Variants in KCNG2 observed in about 807,000 individuals in gnomAD.
KCNG2 encodes voltage-gated potassium channel regulatory subunit KCNG2.
A neutral mutation model predicts 12.3 loss-of-function variants in KCNG2; 7 were observed. The observed-to-expected ratio is 0.57, with a 90% CI of 0.32 to 1.07. The LOEUF (loss-of-function observed/expected upper bound fraction) is 1.07. Among genes scored for constraint, KCNG2 ranks in the 50% least tolerant of loss-of-function variants. The pLI is 0.04. For missense variants in KCNG2, 703 were observed against 726.0 expected (o/e 0.97, Z 0.36); for synonymous variants, 414 against 351.4 (o/e 1.18, Z -1.99).
At chr18:79,863,564 C>T in intron 2 of KCNG2, 64 bp from the exon 3 acceptor site, 1 of 1,115,228 alleles carries the variant, frequency 9.0e-7, no homozygotes, top group East Asian at 4.5e-5. Context: ...CCTGGATCCC[C>T]GCGGGCGGAC....
intron 3 of KCNG2, among the ~76,000 whole-genome samples, chr18:79,875,497 T>A (rs1314900175): frequency 1.3e-5 from 2 of 152,204 alleles, no homozygotes; most frequent in Non-Finnish European, 2.9e-5. Flanking sequence ...TCAGTAAAAC[T>A]CCCACTGTGA....
intron 1 of KCNG2, among the ~76,000 whole-genome samples, chr18:79,833,574 C>G (rs1978307859): frequency 6.6e-6 from 1 of 152,224 alleles, no homozygotes; most frequent in African/African-American, 2.4e-5. Context: ...GTTCATAGAA[C>G]AAAACCTGCA....
chr18:79,829,260 C>T (rs906810203), intron 1 of KCNG2, among the ~76,000 whole-genome samples: 6 of 146,758 alleles, frequency 4.1e-5, no homozygotes, highest in African/African-American at 1.5e-4. Context: ...GCGTGTGTGT[C>T]TGTGTGTGCA....
chr18:79,864,171 C>T lies in KCNG2; in HGVS notation c.504C>T (p.Asp168=). ...GGCGGCGCCTGCGCGACGTGGTGGA[C>T]AACCCGCACTCGGGGCTGGCGGGCA... ...RGRRRLRDVV[D]NPHSGLAGKL... The change falls in exon 3 of 4, where the codon GAC becomes GAT. Residue 168 remains aspartate (D), a synonymous_variant. Transcript: ENST00000316249. The T allele has an allele frequency of 6.6e-7, 1 of 1,508,284 alleles. No homozygotes were observed. Among genetic ancestry groups the T allele is most frequent in the Non-Finnish European group, 8.8e-7 (1 of 1,132,722 alleles). The allele number at this position is 1,508,284 out of a possible 1,614,324, so 93.4% of individuals were successfully genotyped here.
intron 1 of KCNG2, among the ~76,000 whole-genome samples, chr18:79,814,623 G>A (rs114653484): frequency 0.029 from 4,389 of 152,298 alleles, 170 homozygotes; most frequent in African/African-American, 0.08. Flanking sequence ...GCCTGCGTGG[G>A]TCAGCATCAA....
rs201997814 is a variant in KCNG2, at chr18:79,853,765, A to G, written c.-114-2614A>G. The stretch of plus-strand genomic sequence containing the variant: ...GAGTGGGACTAGAGGCCAGGCCCAA[A>G]GCCTCAACATCTGTGCTGGGGGGAT... On this transcript the variant is annotated intron_variant, in intron 1 of 3. Coordinates refer to ENST00000316249, the MANE Select transcript of KCNG2 (RefSeq NM_012283.2). Among the ~76,000 whole-genome samples, 3 of 152,372 alleles carry G rather than the reference A, an allele frequency of 2.0e-5. No homozygotes were observed. The East Asian group carries it at 5.8e-4, about 29-fold the overall frequency.
At chr18:79,859,497 A>G (rs991177659) in intron 2 of KCNG2, among the ~76,000 whole-genome samples, 11 of 152,162 alleles carry the variant, frequency 7.2e-5, no homozygotes, top group African/African-American at 2.7e-4. Context: ...GGCGGGTTCA[A>G]CAGCCAACTC....
chr18:79,847,196 G>A (rs2123043785), intron 1 of KCNG2, among the ~76,000 whole-genome samples: 1 of 152,302 alleles, frequency 6.6e-6, no homozygotes, highest in East Asian at 1.9e-4. Context: ...GCTCCTCCTC[G>A]GATGTCAGCC....
At position 79,899,951 on chromosome 18, in the gene KCNG2, T is replaced by A; in HGVS notation, c.*135T>A. 1 of 818,296 alleles carries A rather than the reference T, an allele frequency of 1.2e-6. No individual in the cohort carries two copies. Among genetic ancestry groups the A allele is most frequent in the Non-Finnish European group, 1.6e-6 (1 of 608,004 alleles). The allele number at this position is 818,296 out of a possible 1,614,324, so 50.7% of individuals were successfully genotyped here. A position where few individuals can be genotyped will look rare whatever the true frequency, so the allele number is the denominator to read the frequency against. On this transcript the variant is annotated 3_prime_UTR_variant, in exon 4 of 4. Coordinates refer to ENST00000316249, the MANE Select transcript of KCNG2 (RefSeq NM_012283.2). ...CGGCCGCGTCCTCGGCCCTCGTGCG[T>A]GAGCAGCCCCAGAACTTGGCGGGGC... is the stretch of plus-strand genomic sequence containing the variant.
intron 3 of KCNG2, among the ~76,000 whole-genome samples, chr18:79,879,622 A>C (rs1313604837): frequency 6.6e-6 from 1 of 152,248 alleles, no homozygotes; most frequent in East Asian, 1.9e-4. Flanking sequence ...GGCAGGGGGA[A>C]GATGCACCGC....
intron 3 of KCNG2, among the ~76,000 whole-genome samples, chr18:79,870,602 AG>A (rs1484945323): frequency 6.6e-6 from 1 of 152,156 alleles, no homozygotes; most frequent in African/African-American, 2.4e-5. Context: ...CCGCTGTTGG[AG>A]GTTTCTGGCT....
At chr18:79,882,763 C>G (rs1295917118) in intron 3 of KCNG2, among the ~76,000 whole-genome samples, 1 of 146,328 alleles carries the variant, frequency 6.8e-6, no homozygotes, top group Middle Eastern at 3.3e-3. Context: ...CCGTGGAGCG[C>G]GGAGGCCGGG....
chr18:79,818,735 T>C (rs894105011), intron 1 of KCNG2, among the ~76,000 whole-genome samples: 2 of 152,172 alleles, frequency 1.3e-5, no homozygotes, highest in African/African-American at 4.8e-5. Flanking sequence ...GCGAGAGACG[T>C]CCGTGTCCTG....
At chr18:79,798,609 C>T (rs1018685188) in intron 1 of KCNG2, among the ~76,000 whole-genome samples, 5 of 152,224 alleles carry the variant, frequency 3.3e-5, no homozygotes, top group Non-Finnish European at 7.3e-5. Context: ...CTGCCTCCTC[C>T]GACCAGCCGG....
chr18:79,815,195 T>G (rs938277439), intron 1 of KCNG2, among the ~76,000 whole-genome samples: 7 of 152,062 alleles, frequency 4.6e-5, no homozygotes, highest in Admixed American at 2.0e-4. Flanking sequence ...TCCTAACAAT[T>G]TGGTAGGCAG....
At chr18:79,893,892 C>T (rs559664543) in intron 3 of KCNG2, among the ~76,000 whole-genome samples, 33 of 150,892 alleles carry the variant, frequency 2.2e-4, no homozygotes, top group African/African-American at 7.8e-4. Context: ...TTCTTCACTC[C>T]ATTCGCATCT....
At chr18:79,846,171 G>C (rs1364807548) in intron 1 of KCNG2, among the ~76,000 whole-genome samples, 1 of 151,236 alleles carries the variant, frequency 6.6e-6, no homozygotes, top group Non-Finnish European at 1.5e-5. Flanking sequence ...AGGAGATCAA[G>C]ACCATCCTGG....
At chr18:79,873,950 C>T (rs371031923) in intron 3 of KCNG2, among the ~76,000 whole-genome samples, 2 of 152,216 alleles carry the variant, frequency 1.3e-5, no homozygotes, top group African/African-American at 2.4e-5. Flanking sequence ...GAGTCAGACA[C>T]GTTTCGGGCC....
rs187276725 is a variant in KCNG2, at chr18:79,856,888, C to T, written c.-41+436C>T. Among the ~76,000 whole-genome samples the T allele has an allele frequency of 1.3e-3, 202 of 151,862 alleles. 2 individuals carry two copies. Among genetic ancestry groups the T allele is most frequent in the African/African-American group, 4.4e-3 (180 of 41,360 alleles). On this transcript the variant is annotated intron_variant, in intron 2 of 3. Coordinates refer to ENST00000316249, the MANE Select transcript of KCNG2 (RefSeq NM_012283.2). The stretch of plus-strand genomic sequence containing the variant: ...TGGAACCTTCAGAGCCTTTAATCCC[C>T]CAGAGCGCTTGACTTGTAGGGCTCG...
Sources: allele counts gnomAD v4.1 joint callset (sites outside exome capture counted in the v4.1 genomes callset), GRCh38; gene constraint gnomAD v4.1.1; transcripts MANE v1.5; gene names NCBI Gene and HGNC (gene_info 2026-07-23, HGNC 2026-07-21).